ADAMTSL3: variants seen among roughly 807,000 people sequenced by gnomAD.
The protein encoded by ADAMTSL3 is ADAMTS like 3, also known as ADAMTS-like protein 3.
ADAMTSL3 carries 128 observed loss-of-function variants against 201.7 expected under a neutral mutation model. The observed-to-expected ratio is 0.63, with a 90% CI of 0.55 to 0.73. The LOEUF is 0.73. ADAMTSL3 is among the 30% of genes least tolerant of loss of function. The pLI, the probability that ADAMTSL3 is intolerant of heterozygous loss-of-function variation, is 0.00. For missense variants in ADAMTSL3, 1,990 were observed against 2,119.6 expected (o/e 0.94, Z 1.20); for synonymous variants, 738 against 748.4 (o/e 0.99, Z 0.23).
At chr15:83,727,804 C>G (rs532671208) in intron 3 of ADAMTSL3, among the ~76,000 whole-genome samples, 1 of 151,754 alleles carries the variant, frequency 6.6e-6, no homozygotes, top group Admixed American at 6.6e-5. Context: ...TCCTTGAGAA[C>G]GAGCCATGTG....
In ADAMTSL3 at chr15:83,942,704, G is replaced by A. The variant is rs1379055704; in HGVS notation, c.2226G>A (p.Glu742=). 6.2e-7 allele frequency: 1 copy of A among 1,614,050 alleles called. No homozygotes were observed. Among genetic ancestry groups the A allele is most frequent in the East Asian group, 2.2e-5 (1 of 44,842 alleles). ...HPGETPAPPE[E]CRDEKPHALQ... is the part of the protein sequence containing the mutation. The stretch of plus-strand genomic sequence containing the variant: ...GGGAGACCCCTGCCCCTCCTGAGGA[G>A]TGCCGAGATGAAAAGCCCCATGCTT... Residue 742 remains glutamate (E), a synonymous_variant, in exon 18 of 30, where the codon GAG becomes GAA. Transcript: ENST00000286744.
At chr15:83,725,421 T>G (rs139216685) in intron 3 of ADAMTSL3, among the ~76,000 whole-genome samples, 2 of 152,278 alleles carry the variant, frequency 1.3e-5, no homozygotes, top group African/African-American at 4.8e-5. Context: ...CTTGTCTTCT[T>G]TTGCTTTGGT....
intron 2 of ADAMTSL3, among the ~76,000 whole-genome samples, chr15:83,677,610 A>C (rs1422458166): frequency 6.6e-6 from 1 of 152,018 alleles, no homozygotes; most frequent in Non-Finnish European, 1.5e-5. Context: ...TTATTAGCAT[A>C]GTATATGTGT....
At chr15:83,843,965 T>C (rs2064439385) in intron 7 of ADAMTSL3, among the ~76,000 whole-genome samples, 1 of 152,186 alleles carries the variant, frequency 6.6e-6, no homozygotes, top group Admixed American at 6.5e-5. Context: ...TAGAGGCCAC[T>C]CAGGTATTAA....
intron 2 of ADAMTSL3, among the ~76,000 whole-genome samples, chr15:83,673,443 C>T (rs2061353406): frequency 6.6e-6 from 1 of 152,128 alleles, no homozygotes; most frequent in Admixed American, 6.6e-5. Context: ...GTGTGACAGG[C>T]CAAGGTGGTG....
intron 6 of ADAMTSL3, among the ~76,000 whole-genome samples, chr15:83,823,284 A>G (rs1247931850): frequency 2.0e-5 from 3 of 151,958 alleles, no homozygotes; most frequent in Non-Finnish European, 4.4e-5. Context: ...CTAGTATTTC[A>G]CCTACCCTAT....
intron 19 of ADAMTSL3, among the ~76,000 whole-genome samples, chr15:83,965,509 T>C (rs1425968914): frequency 6.6e-6 from 1 of 152,132 alleles, no homozygotes; most frequent in Non-Finnish European, 1.5e-5. Context: ...ATGCACCCAA[T>C]ACAGGAGCAC....
intron 3 of ADAMTSL3, among the ~76,000 whole-genome samples, chr15:83,754,561 A>G (rs569929942): frequency 1.0e-3 from 157 of 152,340 alleles, no homozygotes; most frequent in African/African-American, 3.7e-3. Context: ...AGAAAACTAC[A>G]AAGCACCCTA....
At chr15:84,015,039 G>A (rs1567303055) in intron 24 of ADAMTSL3, among the ~76,000 whole-genome samples, 1 of 151,988 alleles carries the variant, frequency 6.6e-6, no homozygotes, top group South Asian at 2.1e-4. Flanking sequence ...TCTGCCTCCT[G>A]GGTTCAAGTG....
chr15:83,891,311 C>G lies in ADAMTSL3; in HGVS notation c.1212-18C>G. 6.3e-7 allele frequency: 1 copy of G among 1,578,158 alleles called. No homozygotes were observed. Among genetic ancestry groups the G allele is most frequent in the Non-Finnish European group, 8.7e-7 (1 of 1,148,258 alleles). ...ATTTATTATAGAAATGATATTCTCA[C>G]AATGATTTCATTTGTAGTGATGGAT... On this transcript the variant is annotated intron_variant, in intron 11 of 29. Coordinates refer to ENST00000286744, the MANE Select transcript of ADAMTSL3 (RefSeq NM_207517.3).
chr15:83,822,617 C>T (rs1325311280), intron 6 of ADAMTSL3, among the ~76,000 whole-genome samples: 1 of 151,278 alleles, frequency 6.6e-6, no homozygotes, highest in East Asian at 2.0e-4. Flanking sequence ...CAGAGACGCT[C>T]CTCACTTCCT....
chr15:83,893,186 C>T (rs983334720), intron 13 of ADAMTSL3, among the ~76,000 whole-genome samples: 5 of 152,150 alleles, frequency 3.3e-5, no homozygotes, highest in African/African-American at 9.7e-5. Flanking sequence ...AATGTTGAAG[C>T]AGAGTCAATC....
intron 19 of ADAMTSL3, among the ~76,000 whole-genome samples, chr15:83,957,722 CTTATT>C (rs1319121905): frequency 6.6e-6 from 1 of 152,058 alleles, no homozygotes; most frequent in African/African-American, 2.4e-5. Context: ...AGAAAAATGG[CTTATT>C]TTAGACATAC....
chr15:83,699,381 C>A (rs1470821984), intron 2 of ADAMTSL3, among the ~76,000 whole-genome samples: 1 of 152,150 alleles, frequency 6.6e-6, no homozygotes, highest in Non-Finnish European at 1.5e-5. Flanking sequence ...CCAGAAGTCA[C>A]CCTTGATTCC....
intron 7 of ADAMTSL3, among the ~76,000 whole-genome samples, chr15:83,847,270 T>G (rs982497480): frequency 8.5e-5 from 13 of 152,210 alleles, no homozygotes; most frequent in African/African-American, 2.7e-4. Flanking sequence ...TTTTCTACTT[T>G]TGCTTACTGG....
intron 7 of ADAMTSL3, among the ~76,000 whole-genome samples, chr15:83,857,061 A>G (rs1567193134): frequency 6.6e-6 from 1 of 151,982 alleles, no homozygotes; most frequent in South Asian, 2.1e-4. Flanking sequence ...TTGATTTTCA[A>G]TTCCCTAATA....
At chr15:83,862,523 T>C (rs915310886) in intron 8 of ADAMTSL3, 9 of 152,264 alleles carry the variant, frequency 5.9e-5, no homozygotes, top group African/African-American at 1.4e-4. Flanking sequence ...CAAACTAAGC[T>C]TCATAAGTGA....
intron 3 of ADAMTSL3, among the ~76,000 whole-genome samples, chr15:83,728,482 C>A (rs1256088372): frequency 6.7e-6 from 1 of 150,308 alleles, no homozygotes; most frequent in Non-Finnish European, 1.5e-5. Context: ...GGTATAATTT[C>A]TTGTTTTTAA....
chr15:83,788,735 A>G (rs1202415859), intron 4 of ADAMTSL3, among the ~76,000 whole-genome samples: 1 of 152,094 alleles, frequency 6.6e-6, no homozygotes, highest in Non-Finnish European at 1.5e-5. Context: ...TCACTATAAA[A>G]ACTCATTCTC....
Sources: gnomAD v4.1 joint callset for allele counts (sites outside exome capture counted in the v4.1 genomes callset) on GRCh38, gnomAD v4.1.1 for gene constraint, MANE v1.5 for transcripts, NCBI Gene and HGNC (gene_info 2026-07-23, HGNC 2026-07-21) for gene names.